CTNNA3: variants seen among roughly 807,000 people sequenced by gnomAD.
CTNNA3 encodes catenin alpha-3.
A neutral mutation model predicts 95.7 loss-of-function variants in CTNNA3; 76 were observed. The observed-to-expected ratio is 0.79, with a 90% confidence interval of 0.66 to 0.96. The LOEUF is 0.96. Among genes scored for constraint, CTNNA3 ranks in the 40% least tolerant of loss-of-function variants. The probability of loss-of-function intolerance (pLI) is 0.00; values close to 1 mark genes in which losing one functional copy is unlikely to be tolerated. For synonymous variants in CTNNA3, 431 were observed against 374.4 expected (o/e 1.15, Z -1.74); for missense variants, 1,191 against 1,089.8 (o/e 1.09, Z -1.31).
chr10:66,427,346 C>T (rs985547104), intron 11 of CTNNA3, among the ~76,000 whole-genome samples: 1 of 151,870 alleles, frequency 6.6e-6, no homozygotes, highest in African/African-American at 2.4e-5. Context: ...TATGGACTCA[C>T]AGTACTATCT....
intron 1 of CTNNA3, among the ~76,000 whole-genome samples, chr10:67,715,195 C>A (rs1841135497): frequency 6.6e-6 from 1 of 152,126 alleles, no homozygotes; most frequent in Non-Finnish European, 1.5e-5. Context: ...ATTTTAGAAA[C>A]CAGATGTTGA....
intron 9 of CTNNA3, among the ~76,000 whole-genome samples, chr10:66,630,864 C>G (rs1192419470): frequency 6.6e-6 from 1 of 152,118 alleles, no homozygotes; most frequent in Non-Finnish European, 1.5e-5. Flanking sequence ...ATTTCATCAA[C>G]TAACAAATAT....
At chr10:66,743,734 T>C (rs936357012) in intron 9 of CTNNA3, among the ~76,000 whole-genome samples, 1 of 151,552 alleles carries the variant, frequency 6.6e-6, no homozygotes, top group Non-Finnish European at 1.5e-5. Context: ...TCCCAGCACT[T>C]TGGAAGGCCA....
intron 7 of CTNNA3, among the ~76,000 whole-genome samples, chr10:67,172,449 T>C (rs1009328011): frequency 6.6e-6 from 1 of 152,206 alleles, no homozygotes; most frequent in African/African-American, 2.4e-5. Context: ...TTATAGCCCA[T>C]ACAAAATCTG....
intron 7 of CTNNA3, among the ~76,000 whole-genome samples, chr10:67,043,579 A>C (rs1005291232): frequency 2.6e-5 from 4 of 152,126 alleles, no homozygotes; most frequent in Admixed American, 2.6e-4. Context: ...ATCTTTCCTC[A>C]GTCATTGATG....
chr10:67,040,469 G>T (rs1220990442), intron 7 of CTNNA3, among the ~76,000 whole-genome samples: 2 of 152,094 alleles, frequency 1.3e-5, no homozygotes, highest in Non-Finnish European at 2.9e-5. Flanking sequence ...GGATTTGAGA[G>T]TGCCATGAAA....
chr10:66,389,667 T>C (rs932782765), intron 11 of CTNNA3, among the ~76,000 whole-genome samples: 4 of 151,980 alleles, frequency 2.6e-5, no homozygotes, highest in African/African-American at 9.7e-5. Context: ...AATTTTGAAA[T>C]GCATTTTTAA....
chr10:66,266,908 T>C (rs1028616346), intron 13 of CTNNA3, among the ~76,000 whole-genome samples: 3 of 152,064 alleles, frequency 2.0e-5, no homozygotes, highest in Non-Finnish European at 2.9e-5. Flanking sequence ...GATCAGTAAA[T>C]TTAGTGAGGC....
At chr10:66,040,567 C>T (rs2079665107) in intron 15 of CTNNA3, among the ~76,000 whole-genome samples, 1 of 151,880 alleles carries the variant, frequency 6.6e-6, no homozygotes, top group South Asian at 2.1e-4. Context: ...GAGATAATTT[C>T]CTTTGCAAGA....
chr10:67,613,637 C>A (rs1258932409), intron 2 of CTNNA3, among the ~76,000 whole-genome samples: 4 of 151,688 alleles, frequency 2.6e-5, no homozygotes, highest in Non-Finnish European at 5.9e-5. Flanking sequence ...TTGCCCCCCC[C>A]AACAAAGACA....
At chr10:66,152,520 T>C (rs2084259079) in intron 13 of CTNNA3, among the ~76,000 whole-genome samples, 2 of 151,900 alleles carry the variant, frequency 1.3e-5, no homozygotes. Context: ...ACTAACAACA[T>C]GTATTCTGAA....
intron 5 of CTNNA3, among the ~76,000 whole-genome samples, chr10:67,301,994 C>CGAAAGAAAGAAA (rs1334898390): frequency 3.0e-4 from 11 of 36,764 alleles, no homozygotes; most frequent in East Asian, 2.4e-3. Context: ...AAAGAAAGAA[C>CGAAAGAAAGAAA]GAAAGAACGA....
chr10:66,313,370 C>G (rs2092051154), intron 12 of CTNNA3, among the ~76,000 whole-genome samples: 1 of 152,206 alleles, frequency 6.6e-6, no homozygotes. Flanking sequence ...CAACTCTTCA[C>G]CATGGTTTGT....
intron 13 of CTNNA3, among the ~76,000 whole-genome samples, chr10:66,251,518 C>A (rs139356297): frequency 0.012 from 1,865 of 151,910 alleles, 17 homozygotes; most frequent in Non-Finnish European, 0.019. Flanking sequence ...ATATTTCTAC[C>A]AAGGCAATTA....
intron 9 of CTNNA3, among the ~76,000 whole-genome samples, chr10:66,740,862 A>G (rs534859627): frequency 7.2e-4 from 110 of 152,320 alleles, no homozygotes; most frequent in African/African-American, 2.5e-3. Context: ...GATACATAAT[A>G]TGGAGAGGAA....
rs538231639 is a variant in CTNNA3 at position 67,729,045 on chromosome 10, G to C, written c.-2+34389C>G. ...TAGTAAGTAAAGCAGGAATTTGAAG[G>C]CAGTCTAATTTTTTAAATTACACTT... is the stretch of plus-strand genomic sequence containing the variant. On this transcript the variant is annotated intron_variant, in intron 1 of 17. Coordinates refer to the CTNNA3 transcript ENST00000684154. 8.7e-4 allele frequency among the ~76,000 whole-genome samples: 132 copies of C among 152,076 alleles called. No homozygotes were observed. The East Asian group carries it at 9.1e-3, about 10-fold the overall frequency.
At chr10:67,445,045 C>G (rs1846688957) in intron 5 of CTNNA3, among the ~76,000 whole-genome samples, 1 of 151,838 alleles carries the variant, frequency 6.6e-6, no homozygotes, top group Non-Finnish European at 1.5e-5. Flanking sequence ...CAATTCTGCT[C>G]AAACTACTCT....
intron 5 of CTNNA3, among the ~76,000 whole-genome samples, chr10:67,299,100 T>C (rs1012357306): frequency 6.6e-6 from 1 of 152,150 alleles, no homozygotes; most frequent in Non-Finnish European, 1.5e-5. Context: ...AGTTTCACCA[T>C]GTTGGCCAGG....
intron 7 of CTNNA3, among the ~76,000 whole-genome samples, chr10:66,788,092 G>A (rs2132869050): frequency 6.6e-6 from 1 of 152,166 alleles, no homozygotes; most frequent in Non-Finnish European, 1.5e-5. Flanking sequence ...TTATTAATTA[G>A]CACTGAACAA....
Sources: gnomAD v4.1 joint callset for allele counts (sites outside exome capture counted in the v4.1 genomes callset) on GRCh38, gnomAD v4.1.1 for gene constraint, MANE v1.5 for transcripts, NCBI Gene and HGNC (gene_info 2026-07-23, HGNC 2026-07-21) for gene names.